Variants in MICALL1 observed in about 807,000 individuals in gnomAD.
MICALL1 encodes MICAL-like protein 1.
Under a neutral mutation model 83.7 loss-of-function variants are expected in MICALL1, and 61 were observed. The observed-to-expected ratio is 0.73, with a 90% confidence interval of 0.59 to 0.90. MICALL1 has a LOEUF of 0.90. Ranked by LOEUF, MICALL1 falls within the 40% of genes least tolerant of loss-of-function variation. The probability of loss-of-function intolerance (pLI) is 0.00; values close to 1 mark genes in which losing one functional copy is unlikely to be tolerated. For synonymous variants in MICALL1, 481 were observed against 473.6 expected (o/e 1.02, Z -0.20); for missense variants, 1,066 against 1,152.0 (o/e 0.93, Z 1.08).
At chr22:37,927,040 C>T (rs1411181772) in intron 8 of MICALL1, 2 of 281,384 alleles carry the variant, frequency 7.1e-6, no homozygotes, top group Non-Finnish European at 1.3e-5. Flanking sequence ...CTGGTGGCTG[C>T]GAGGGCTGCG....
chr22:37,910,457 T>G (rs1032316733), intron 1 of MICALL1, among the ~76,000 whole-genome samples: 4 of 152,096 alleles, frequency 2.6e-5, no homozygotes, highest in Admixed American at 2.6e-4. Flanking sequence ...CCTGTTGCAG[T>G]GTCCTGAACC....
intron 9 of MICALL1, among the ~76,000 whole-genome samples, chr22:37,929,411 G>A (rs907029774): frequency 2.0e-5 from 3 of 152,190 alleles, no homozygotes; most frequent in Admixed American, 6.5e-5. Flanking sequence ...GCTGTGTGTG[G>A]AGTTTGTAGT....
chr22:37,911,738 C>G (rs974026627), intron 1 of MICALL1, among the ~76,000 whole-genome samples: 2 of 152,152 alleles, frequency 1.3e-5, no homozygotes, highest in Non-Finnish European at 2.9e-5. Flanking sequence ...ATCTCATGCC[C>G]TGCCCTGCCC....
chr22:37,920,502 G>C (rs1928959817), intron 5 of MICALL1, among the ~76,000 whole-genome samples: 1 of 151,838 alleles, frequency 6.6e-6, no homozygotes, highest in Non-Finnish European at 1.5e-5. Context: ...AGCTGGGTGT[G>C]GTGGTGGCTC....
chr22:37,919,151 G>A lies in MICALL1; in HGVS notation c.542G>A (p.Gly181Asp). ...VHLVQRYLAD[G>D]RLYHRHCFRC... ...TTGGTGCAGCGCTACCTGGCTGACG[G>A]CAGGCTGTACCATCGCCACTGCTTC... Residue 181 changes from glycine (G) to aspartate (D), a missense_variant, in exon 5 of 16, where the codon GGC (glycine) becomes GAC (aspartate). By Grantham distance (94) the Gly-to-Asp change is moderately conservative. Coordinates refer to ENST00000215957, the MANE Select transcript of MICALL1 (RefSeq NM_033386.4). 6.5e-7 allele frequency: 1 copy of A among 1,548,382 alleles called. No homozygotes were observed. The highest frequency in any genetic ancestry group is 8.7e-7 in the Non-Finnish European group (1 of 1,145,422).
rs2145938380 is a variant in MICALL1 at position 37,931,854 on chromosome 22, C to T, written c.1937C>T (p.Ala646Val). 6.2e-7 allele frequency: 1 copy of T among 1,614,204 alleles called. No individual in the cohort carries two copies. Reference protein sequence around the residue: ...NRKPSPAASPATKKATKGSKP... With the variant: ...NRKPSPAASPVTKKATKGSKP... ...AAGCCATCACCTGCAGCGTCCCCAG[C>T]CACAAAGAAGGCCACCAAGGGATCC... Residue 646 changes from alanine (A) to valine (V), a missense_variant, in exon 10 of 16, where the codon GCC becomes GTC. Physicochemically the swap from Ala to Val is moderately conservative, Grantham distance 64. Transcript: ENST00000215957.
chr22:37,919,213 C>T lies in MICALL1; in HGVS notation c.569+35C>T. 3 of 1,484,824 alleles carry T rather than the reference C, an allele frequency of 2.0e-6. 1 individual carries two copies. Among genetic ancestry groups the T allele is most frequent in the South Asian group, 2.6e-5 (2 of 76,386 alleles). The allele number at this position is 1,484,824 out of a possible 1,614,324, so 92.0% of individuals were successfully genotyped here. Reference sequence around the variant, plus strand: ...CAGGGCCGCGTGTTACCCCCGAAACCAGGGAGGGGGCTACCGTGGGTTCAG... The same window carrying T: ...CAGGGCCGCGTGTTACCCCCGAAACTAGGGAGGGGGCTACCGTGGGTTCAG... On this transcript the variant is annotated intron_variant, in intron 5 of 15. Coordinates refer to ENST00000215957, the MANE Select transcript of MICALL1 (RefSeq NM_033386.4).
chr22:37,925,981 C>T lies in MICALL1; in HGVS notation c.1403C>T (p.Pro468Leu). The T allele has an allele frequency of 6.2e-7, 1 of 1,613,912 alleles. No individual in the cohort carries two copies. Among genetic ancestry groups the T allele is most frequent in the Non-Finnish European group, 8.5e-7 (1 of 1,179,948 alleles). Residue 468 changes from proline to leucine, a missense_variant, in exon 8 of 16, where the codon CCT (proline) becomes CTT (leucine). Physicochemically the swap from Pro to Leu is moderately conservative, Grantham distance 98. Coordinates refer to ENST00000215957, the MANE Select transcript of MICALL1 (RefSeq NM_033386.4). ...CTGCACCCCTGGTACGGCATCACCC[C>T]TACCAGCAGCCCCAAGACAAAGAAG... ...KSLHPWYGIT[P>L]TSSPKTKKRP... is the part of the protein sequence containing the mutation.
chr22:37,931,891 G>A lies in MICALL1; in HGVS notation c.1974G>A (p.Arg658=). The A allele has an allele frequency of 1.9e-6, 3 of 1,614,134 alleles. No homozygotes were observed. The highest frequency in any genetic ancestry group is 2.5e-6 in the Non-Finnish European group (3 of 1,180,018). ...KKATKGSKPV[R]PPAPGHGFPL... Reference sequence around the variant, plus strand: ...CCACCAAGGGATCCAAGCCAGTGAGGCCACCTGCCCCTGGACACGGCTTTC... The same window carrying A: ...CCACCAAGGGATCCAAGCCAGTGAGACCACCTGCCCCTGGACACGGCTTTC... Residue 658 remains arginine, a synonymous_variant, in exon 10 of 16, where the codon AGG becomes AGA. Transcript: ENST00000215957.
intron 3 of MICALL1, among the ~76,000 whole-genome samples, chr22:37,914,446 C>T (rs1393047605): frequency 1.3e-5 from 2 of 151,164 alleles, no homozygotes; most frequent in East Asian, 3.9e-4. Context: ...AGGCTGGTCT[C>T]GAATTCCTGA....
At chr22:37,919,561 G>A (rs953590706) in intron 5 of MICALL1, among the ~76,000 whole-genome samples, 6 of 150,724 alleles carry the variant, frequency 4.0e-5, no homozygotes, top group African/African-American at 1.2e-4. Flanking sequence ...GCTCAAACCC[G>A]GGAGGCAGAG....
At position 37,912,467 on chromosome 22, in the gene MICALL1, C is replaced by G. The variant is rs1440551912; in HGVS notation, c.312C>G (p.Tyr104Ter). The change falls in exon 3 of 16, where the codon TAC (tyrosine) becomes TAG (stop). Residue 104 changes from tyrosine to a stop codon, truncating the protein, a stop_gained. Coordinates refer to ENST00000215957, the MANE Select transcript of MICALL1 (RefSeq NM_033386.4). LOFTEE classifies it high-confidence loss of function. ...LSIMTYVSQY[Y>*]NHFCSPGQAG... The stretch of plus-strand genomic sequence containing the variant: ...TCATGACCTATGTGTCCCAGTATTA[C>G]AACCACTTCTGCAGTCCTGGCCAAG... 2 of 1,613,306 alleles carry G rather than the reference C, an allele frequency of 1.2e-6. No individual in the cohort carries two copies. Among genetic ancestry groups the G allele is most frequent in the South Asian group, 2.2e-5 (2 of 91,026 alleles).
rs1929840780 is a variant in MICALL1 at position 37,932,457 on chromosome 22, C to T, written c.2017-96C>T. On this transcript the variant is annotated intron_variant, in intron 10 of 15. Transcript: ENST00000215957. The surrounding 1 kb of genome is among the most constrained non-coding windows in gnomAD (Gnocchi z 4.4). The stretch of plus-strand genomic sequence containing the variant: ...CTGGGGTGGGGGACAGGGCCCGGGC[C>T]CTGGAGCCACCAGTGGCCAATGCTG... The T allele has an allele frequency of 3.9e-6, 6 of 1,552,912 alleles. No individual in the cohort carries two copies. The highest frequency in any genetic ancestry group is 5.2e-6 in the Non-Finnish European group (6 of 1,147,714).
At chr22:37,911,139 C>T (rs1006567534) in intron 1 of MICALL1, among the ~76,000 whole-genome samples, 1 of 152,172 alleles carries the variant, frequency 6.6e-6, no homozygotes, top group Non-Finnish European at 1.5e-5. Flanking sequence ...CGTGCTGGGG[C>T]CCCCAGACAG....
chr22:37,909,422 G>T (rs1569133809), intron 1 of MICALL1, among the ~76,000 whole-genome samples: 1 of 149,408 alleles, frequency 6.7e-6, no homozygotes, highest in African/African-American at 2.5e-5. Context: ...GCAGTGGCAT[G>T]ATCTCTGCTC....
chr22:37,908,271 T>A (rs563920156), intron 1 of MICALL1, among the ~76,000 whole-genome samples: 1 of 151,812 alleles, frequency 6.6e-6, no homozygotes, highest in Non-Finnish European at 1.5e-5. Flanking sequence ...TTAGTTACTG[T>A]GAGTAACTAA....
In MICALL1 at chr22:37,932,820, G is replaced by A; in HGVS notation, c.2166G>A (p.Leu722=). ...GLNEGREDDM[L]VDWFKLIHEK... ...CAGAGGGCCGTGAGGATGACATGCT[G>A]GTGGACTGGTTCAAGCTCATCCACG... Residue 722 remains leucine, a synonymous_variant, in exon 12 of 16, where the codon CTG becomes CTA. Transcript: ENST00000215957. The surrounding 1 kb of genome is among the most constrained non-coding windows in gnomAD (Gnocchi z 4.4). 7 of 1,614,086 alleles carry A rather than the reference G, an allele frequency of 4.3e-6. No individual in the cohort carries two copies. Among genetic ancestry groups the A allele is most frequent in the Non-Finnish European group, 5.9e-6 (7 of 1,180,014 alleles).
chr22:37,915,423 G>T lies in MICALL1; in HGVS notation c.338-2284G>T, dbSNP rs57226739. Among the ~76,000 whole-genome samples, 630 of 152,226 alleles carry T rather than the reference G, an allele frequency of 4.1e-3. 6 individuals are homozygous for T. Among genetic ancestry groups the T allele is most frequent in the African/African-American group, 0.015 (609 of 41,518 alleles). ...ATGAAAGTATTTCCAGACCCCAGAGGCTCTGGTGAGAGGCAGTCTAAGGTT... is the reference window on the plus strand; with the variant it reads ...ATGAAAGTATTTCCAGACCCCAGAGTCTCTGGTGAGAGGCAGTCTAAGGTT... On this transcript the variant is annotated intron_variant, in intron 3 of 15. Coordinates refer to ENST00000215957, the MANE Select transcript of MICALL1 (RefSeq NM_033386.4).
chr22:37,912,448 C>A lies in MICALL1; in HGVS notation c.293C>A (p.Thr98Asn). ...GTCCCTGACTGCCTCAGCATCATGA[C>A]CTATGTGTCCCAGTATTACAACCAC... is the stretch of plus-strand genomic sequence containing the variant. ...MSVPDCLSIMTYVSQYYNHFC... is the reference protein window; with the variant it reads ...MSVPDCLSIMNYVSQYYNHFC... Residue 98 changes from threonine (T) to asparagine (N), a missense_variant, in exon 3 of 16, where the codon ACC becomes AAC. Transcript: ENST00000215957. 1 of 1,613,880 alleles carries A rather than the reference C, an allele frequency of 6.2e-7. No homozygotes were observed. The highest frequency in any genetic ancestry group is 8.5e-7 in the Non-Finnish European group (1 of 1,179,860).
Sources: gnomAD v4.1 joint callset for allele counts (sites outside exome capture counted in the v4.1 genomes callset) on GRCh38, gnomAD v4.1.1 for gene constraint, Gnocchi (gnomAD v3.1) non-coding constraint, MANE v1.5 for transcripts, NCBI Gene and HGNC (gene_info 2026-07-23, HGNC 2026-07-21) for gene names.